Variants in CTTNBP2 observed in about 807,000 individuals in gnomAD.
CTTNBP2 encodes cortactin-binding protein 2.
CTTNBP2 carries 108 observed loss-of-function variants against 156.9 expected under a neutral mutation model. That is an observed-to-expected ratio of 0.69 (90% confidence interval 0.59 to 0.81). The LOEUF is 0.81. Among genes scored for constraint, CTTNBP2 ranks in the 30% least tolerant of loss-of-function variants. CTTNBP2 has a pLI of 0.00. For missense variants in CTTNBP2, 1,924 were observed against 2,035.4 expected, an observed-to-expected ratio of 0.95 and a Z score of 1.05; for synonymous variants, 767 against 751.8, an observed-to-expected ratio of 1.02 and a Z score of -0.33.
intron 12 of CTTNBP2, among the ~76,000 whole-genome samples, chr7:117,751,374 C>A (rs981888): frequency 6.6e-6 from 1 of 152,060 alleles, no homozygotes; most frequent in Non-Finnish European, 1.5e-5. Flanking sequence ...TAAACAAAAA[C>A]GAAAAATAAA....
At chr7:117,832,892 A>T (rs1584511077) in intron 2 of CTTNBP2, among the ~76,000 whole-genome samples, 1 of 148,634 alleles carries the variant, frequency 6.7e-6, no homozygotes, top group Admixed American at 6.8e-5. Flanking sequence ...GATTACAGGC[A>T]CCTGCCACCA....
At chr7:117,768,395 CA>C (rs1797616511) in intron 8 of CTTNBP2, among the ~76,000 whole-genome samples, 1 of 151,542 alleles carries the variant, frequency 6.6e-6, no homozygotes, top group African/African-American at 2.4e-5. Flanking sequence ...GGTAAAACCC[CA>C]TCCTACTAAA....
rs963140761 is a variant in CTTNBP2 at position 117,726,291 on chromosome 7, T to G, written c.4056-1034A>C. Among the ~76,000 whole-genome samples the G allele has an allele frequency of 4.6e-5, 7 of 152,212 alleles. No individual in the cohort carries two copies. The East Asian group carries it at 1.2e-3, about 25-fold the overall frequency. ...ATGTTTTCAAAGCTTAGACATTGCA[T>G]AAAACTTTCAAGAATTGTCAAAAAC... On this transcript the variant is annotated intron_variant, in intron 17 of 22. Coordinates refer to ENST00000160373, the MANE Select transcript of CTTNBP2 (RefSeq NM_033427.3).
intron 10 of CTTNBP2, 116 bp downstream of exon 10, chr7:117,760,319 G>T (rs1797132104): frequency 3.0e-6 from 3 of 1,005,422 alleles, no homozygotes; most frequent in Non-Finnish European, 4.4e-6. Flanking sequence ...ACCGGCAGCT[G>T]CCACAAGTAA....
At chr7:117,847,934 T>A (rs1339695947) in intron 2 of CTTNBP2, among the ~76,000 whole-genome samples, 1 of 146,408 alleles carries the variant, frequency 6.8e-6, no homozygotes, top group Non-Finnish European at 1.5e-5. Context: ...TTCTCCTGCC[T>A]CAGCCTCCCG....
chr7:117,861,184 A>G lies in CTTNBP2; in HGVS notation c.189+25T>C, dbSNP rs1265446844. ...GAAAAAAGCAAATGATCCAGCATGG[A>G]GACCCACTCCTGTGTCGTCCTTACC... is the stretch of plus-strand genomic sequence containing the variant. On this transcript the variant is annotated intron_variant, in intron 2 of 22. Transcript: ENST00000160373. 2.8e-6 allele frequency: 4 copies of G among 1,416,468 alleles called. No individual in the cohort carries two copies. In the South Asian group the frequency reaches 4.8e-5, roughly 17 times the overall value. The allele number at this position is 1,416,468 out of a possible 1,614,324, so 87.7% of individuals were successfully genotyped here.
chr7:117,767,219 TA>T lies in CTTNBP2; in HGVS notation c.2779-44del, dbSNP rs777695074. Reference sequence around the variant, plus strand: ...CTATTACCTCCAAGTCCAAATGAATTAACTTGAATGCAAAACCCAAAGGAAA... The same window carrying T: ...CTATTACCTCCAAGTCCAAATGAATTACTTGAATGCAAAACCCAAAGGAAA... On this transcript the variant is annotated intron_variant, in intron 8 of 22. Coordinates refer to ENST00000160373, the MANE Select transcript of CTTNBP2 (RefSeq NM_033427.3). The T allele has an allele frequency of 4.6e-6, 5 of 1,085,670 alleles. No homozygotes were observed. The African/African-American group carries it at 7.7e-5, about 17-fold the overall frequency. The allele number at this position is 1,085,670 out of a possible 1,614,324, so 67.3% of individuals were successfully genotyped here. A position where few individuals can be genotyped will look rare whatever the true frequency, so the allele number is the denominator to read the frequency against.
chr7:117,826,332 A>G (rs1360249867), intron 2 of CTTNBP2, among the ~76,000 whole-genome samples: 1 of 152,180 alleles, frequency 6.6e-6, no homozygotes, highest in Non-Finnish European at 1.5e-5. Flanking sequence ...TTACAGAGCA[A>G]AAAAGACTTA....
chr7:117,802,436 G>GAA (rs1799673404), intron 3 of CTTNBP2, among the ~76,000 whole-genome samples: 1 of 91,698 alleles, frequency 1.1e-5, no homozygotes, highest in Non-Finnish European at 2.1e-5. Flanking sequence ...TTCAGCATTG[G>GAA]CAAAAAAAAA....
intron 1 of CTTNBP2, among the ~76,000 whole-genome samples, chr7:117,866,444 TG>T (rs1804205460): frequency 6.6e-6 from 1 of 152,196 alleles, no homozygotes; most frequent in Non-Finnish European, 1.5e-5. Context: ...GATATGTTGG[TG>T]ACCAAACACA....
chr7:117,756,721 G>A (rs888899042), intron 11 of CTTNBP2, 87 bp from the exon 12 acceptor site: 39 of 929,814 alleles, frequency 4.2e-5, no homozygotes, highest in African/African-American at 6.5e-5. Context: ...CATAGAAGAT[G>A]AATGTGTTTG....
At chr7:117,733,011 TA>T (rs1252807925) in intron 16 of CTTNBP2, among the ~76,000 whole-genome samples, 4 of 152,216 alleles carry the variant, frequency 2.6e-5, no homozygotes, top group Non-Finnish European at 5.9e-5. Context: ...TATTTCCTAC[TA>T]AAAAGGGTAT....
chr7:117,852,992 T>C (rs1311785160), intron 2 of CTTNBP2, among the ~76,000 whole-genome samples: 1 of 152,090 alleles, frequency 6.6e-6, no homozygotes, highest in African/African-American at 2.4e-5. Context: ...AAAGTAGGGG[T>C]ACTACCACTG....
At chr7:117,796,543 A>G (rs1176255305) in intron 3 of CTTNBP2, among the ~76,000 whole-genome samples, 1 of 152,224 alleles carries the variant, frequency 6.6e-6, no homozygotes, top group East Asian at 1.9e-4. Flanking sequence ...TAGCTGTGTG[A>G]CCTTTGTAAG....
chr7:117,853,664 A>G (rs1337834063), intron 2 of CTTNBP2, among the ~76,000 whole-genome samples: 1 of 152,194 alleles, frequency 6.6e-6, no homozygotes, highest in Admixed American at 6.5e-5. Context: ...GTATACAAAA[A>G]TATATTCCTG....
chr7:117,847,410 C>A (rs946770135), intron 2 of CTTNBP2, among the ~76,000 whole-genome samples: 3 of 152,130 alleles, frequency 2.0e-5, no homozygotes, highest in Non-Finnish European at 2.9e-5. Flanking sequence ...GAGGTACATG[C>A]CTATAATCCC....
At chr7:117,867,861 G>T (rs1319926928) in intron 1 of CTTNBP2, among the ~76,000 whole-genome samples, 1 of 152,184 alleles carries the variant, frequency 6.6e-6, no homozygotes, top group East Asian at 1.9e-4. Flanking sequence ...TTTGATGCAA[G>T]ACAAGAAACT....
intron 4 of CTTNBP2, 131 bp downstream of exon 4, chr7:117,790,997 A>G: frequency 1.4e-6 from 1 of 732,344 alleles, no homozygotes. Flanking sequence ...AGAGAGAGAA[A>G]GAAAAGAAAT....
intron 22 of CTTNBP2, among the ~76,000 whole-genome samples, chr7:117,712,989 T>C (rs1794143534): frequency 6.6e-6 from 1 of 152,194 alleles, no homozygotes; most frequent in Admixed American, 6.5e-5. Flanking sequence ...CGAGCCAGTA[T>C]TACCACCTGA....
Sources: gnomAD v4.1 joint callset for allele counts (sites outside exome capture counted in the v4.1 genomes callset) on GRCh38, gnomAD v4.1.1 for gene constraint, MANE v1.5 for transcripts, NCBI Gene and HGNC (gene_info 2026-07-23, HGNC 2026-07-21) for gene names.